The following FKBP7 variants were observed in gnomAD, a reference collection of about 807,000 sequenced individuals.
FKBP7 encodes peptidyl-prolyl cis-trans isomerase FKBP7.
FKBP7 carries 24 observed loss-of-function variants against 24.3 expected under a neutral mutation model. The observed-to-expected ratio is 0.99, with a 90% CI of 0.72 to 1.39. The LOEUF (loss-of-function observed/expected upper bound fraction) is 1.39, where lower values mean the gene tolerates loss of function less well. FKBP7 is among the 40% of genes most tolerant of loss of function. The pLI is 0.00. For synonymous variants in FKBP7, 98 were observed against 92.8 expected (o/e 1.06, Z -0.32); for missense variants, 257 against 269.5 (o/e 0.95, Z 0.33).
chr2:178,466,465 C>T (rs965137686), intron 3 of FKBP7, among the ~76,000 whole-genome samples: 1 of 152,062 alleles, frequency 6.6e-6, no homozygotes, highest in Non-Finnish European at 1.5e-5. Context: ...GAAGTATTCA[C>T]TAATTATATA....
In FKBP7 at chr2:178,464,163, T is replaced by A. The variant is rs535153008; in HGVS notation, c.*1607A>T. 1 of 152,368 alleles carries A rather than the reference T, an allele frequency of 6.6e-6. No individual in the cohort carries two copies. The highest frequency in any genetic ancestry group is 1.5e-5 in the Non-Finnish European group (1 of 68,040). 9.4% of individuals were successfully genotyped at this position (152,368 alleles called of 1,614,324 possible). ...TACTCATCTGAAAGCCCTCTATTTT[T>A]AAATAGAATTTTTGATAGTGTAAAG... On this transcript the variant is annotated 3_prime_UTR_variant, in exon 4 of 4. Transcript: ENST00000424785.
rs184444047 is a variant in FKBP7, at chr2:178,472,469, T to C, written c.374-2684A>G. Reference sequence around the variant, plus strand: ...CATAGAAAATATTGGCCGGGCGCAGTGGCTTATACCACTTTTTTTTTTTAG... The same window carrying C: ...CATAGAAAATATTGGCCGGGCGCAGCGGCTTATACCACTTTTTTTTTTTAG... On this transcript the variant is annotated intron_variant, in intron 2 of 3. Coordinates refer to ENST00000424785, the MANE Select transcript of FKBP7 (RefSeq NM_181342.3). Among the ~76,000 whole-genome samples, 217 of 152,026 alleles carry C rather than the reference T, an allele frequency of 1.4e-3. 1 individual carries two copies. The highest frequency in any genetic ancestry group is 5.0e-3 in the African/African-American group (209 of 41,514).
rs1685078665 is a variant in FKBP7 at position 178,478,471 on chromosome 2, C to G, written c.29G>C (p.Arg10Thr). 1.9e-6 allele frequency: 3 copies of G among 1,614,174 alleles called. No homozygotes were observed. The highest frequency in any genetic ancestry group is 2.5e-6 in the Non-Finnish European group (3 of 1,180,036). The change falls in exon 1 of 4, where the codon AGA (arginine) becomes ACA (threonine). Residue 10 changes from arginine to threonine, a missense_variant. Transcript: ENST00000424785. Reference sequence around the variant, plus strand: ...CCACAGATAAAAGAAAACAATGAATCTGAATAAGAAATGCATGGTTTTTGG... The same window carrying G: ...CCACAGATAAAAGAAAACAATGAATGTGAATAAGAAATGCATGGTTTTTGG... Reference protein sequence around the residue: MPKTMHFLFRFIVFFYLWGL... With the variant: MPKTMHFLFTFIVFFYLWGL...
At chr2:178,473,921 A>G (rs1363642487) in intron 2 of FKBP7, among the ~76,000 whole-genome samples, 1 of 152,188 alleles carries the variant, frequency 6.6e-6, no homozygotes, top group East Asian at 1.9e-4. Flanking sequence ...GATGGGATCA[A>G]ATTATTGGCA....
chr2:178,476,888 T>C (rs568814242), intron 2 of FKBP7, among the ~76,000 whole-genome samples, 174 bp downstream of exon 2: 41 of 152,276 alleles, frequency 2.7e-4, no homozygotes, highest in Middle Eastern at 3.4e-3. Flanking sequence ...TCTCTATGTA[T>C]GGACATGTGG....
chr2:178,465,978 A>G (rs35636148), intron 3 of FKBP7, 47 bp from the exon 4 acceptor site: 34 of 1,468,146 alleles, frequency 2.3e-5, no homozygotes, highest in Non-Finnish European at 3.0e-5. Flanking sequence ...TATCACAGTG[A>G]ATTTCCAGTA....
chr2:178,470,952 AC>A (rs1301154975), intron 2 of FKBP7, among the ~76,000 whole-genome samples: 1 of 151,976 alleles, frequency 6.6e-6, no homozygotes, highest in Non-Finnish European at 1.5e-5. Flanking sequence ...ATCTCCGCTT[AC>A]TGCAGCCTCT....
In FKBP7 at chr2:178,472,917, T is replaced by TAA. The variant is rs368700753; in HGVS notation, c.374-3134_374-3133dup. 2.3e-3 allele frequency: 551 copies of TAA among 239,756 alleles called. 11 individuals carry two copies. Among genetic ancestry groups the TAA allele is most frequent in the South Asian group, 0.019 (405 of 21,562 alleles). 14.9% of individuals were successfully genotyped at this position (239,756 alleles called of 1,614,324 possible). A position where few individuals can be genotyped will look rare whatever the true frequency, so the allele number is the denominator to read the frequency against. On this transcript the variant is annotated intron_variant, in intron 2 of 3. Coordinates refer to ENST00000424785, the MANE Select transcript of FKBP7 (RefSeq NM_181342.3). ...CTTTTTCTTGTTTTTTTTTTTTTTT[T>TAA]AAAAAAAACTAAAGTATAAAAATGA...
chr2:178,473,883 T>A (rs144774453), intron 2 of FKBP7, among the ~76,000 whole-genome samples: 1 of 152,340 alleles, frequency 6.6e-6, no homozygotes, highest in East Asian at 1.9e-4. Context: ...ACAGGATATA[T>A]GAATTATGGT....
At chr2:178,471,765 C>T (rs549897021) in intron 2 of FKBP7, among the ~76,000 whole-genome samples, 109 of 152,256 alleles carry the variant, frequency 7.2e-4, no homozygotes, top group African/African-American at 2.5e-3. Context: ...GTGAAGCATT[C>T]TAGCTAAAGT....
At chr2:178,465,966 G>A (rs1684644503) in intron 3 of FKBP7, 35 bp from the exon 4 acceptor site, 10 of 1,518,252 alleles carry the variant, frequency 6.6e-6, no homozygotes, top group Non-Finnish European at 7.9e-6. Context: ...TTAATTAAAA[G>A]GTATCACAGT....
chr2:178,477,232 CT>C lies in FKBP7; in HGVS notation c.222-20del. 6.2e-7 allele frequency: 1 copy of C among 1,601,144 alleles called. No individual in the cohort carries two copies. Among genetic ancestry groups the C allele is most frequent in the Non-Finnish European group, 8.5e-7 (1 of 1,176,890 alleles). Reference sequence around the variant, plus strand: ...TGTCCGGCTATAACAAAAAGCAATACTTAAGTAAACTGATTTCAAGAAATCA... The same window carrying C: ...TGTCCGGCTATAACAAAAAGCAATACTAAGTAAACTGATTTCAAGAAATCA... On this transcript the variant is annotated intron_variant, in intron 1 of 3. Coordinates refer to ENST00000424785, the MANE Select transcript of FKBP7 (RefSeq NM_181342.3).
intron 3 of FKBP7, among the ~76,000 whole-genome samples, chr2:178,468,200 T>C (rs1178489837): frequency 6.6e-6 from 1 of 152,220 alleles, no homozygotes; most frequent in Admixed American, 6.5e-5. Flanking sequence ...CATTTTTAAA[T>C]GTCTCCTAAC....
chr2:178,474,304 A>C (rs1396450618), intron 2 of FKBP7, among the ~76,000 whole-genome samples: 1 of 152,238 alleles, frequency 6.6e-6, no homozygotes, highest in Non-Finnish European at 1.5e-5. Flanking sequence ...ACAGCCTATC[A>C]GGCTGCCCAT....
rs868357403 is a variant in FKBP7, at chr2:178,464,935, G to C, written c.*835C>G. 6.6e-6 allele frequency: 1 copy of C among 152,182 alleles called. No individual in the cohort carries two copies. Among genetic ancestry groups the C allele is most frequent in the South Asian group, 2.1e-4 (1 of 4,828 alleles). 9.4% of individuals were successfully genotyped at this position (152,182 alleles called of 1,614,324 possible). A position where few individuals can be genotyped will look rare whatever the true frequency, so the allele number is the denominator to read the frequency against. The stretch of plus-strand genomic sequence containing the variant: ...GGAAATGAGGTGACATAAGGAAAGA[G>C]ATAACTAGAGAAAGGGAACGAAAAC... On this transcript the variant is annotated 3_prime_UTR_variant, in exon 4 of 4. Coordinates refer to ENST00000424785, the MANE Select transcript of FKBP7 (RefSeq NM_181342.3).
rs1433075267 is a variant in FKBP7 at position 178,463,880 on chromosome 2, A to G, written c.*1890T>C. The G allele has an allele frequency of 2.6e-5, 4 of 152,238 alleles. No individual in the cohort carries two copies. Among genetic ancestry groups the G allele is most frequent in the African/African-American group, 9.6e-5 (4 of 41,464 alleles). The allele number at this position is 152,238 out of a possible 1,614,324, so 9.4% of individuals were successfully genotyped here. A position where few individuals can be genotyped will look rare whatever the true frequency, so the allele number is the denominator to read the frequency against. On this transcript the variant is annotated 3_prime_UTR_variant, in exon 4 of 4. Transcript: ENST00000424785. ...AAAAAATTGAGACAGGTTCCAAACCAAAATAAAGAATATTGAGTTACTTAG... is the reference window on the plus strand; with the variant it reads ...AAAAAATTGAGACAGGTTCCAAACCGAAATAAAGAATATTGAGTTACTTAG...
chr2:178,469,307 A>T (rs1684778995), intron 3 of FKBP7, among the ~76,000 whole-genome samples: 1 of 152,190 alleles, frequency 6.6e-6, no homozygotes, highest in Non-Finnish European at 1.5e-5. Flanking sequence ...TCATCCTATG[A>T]GGCGTGAATT....
At chr2:178,475,475 C>T (rs1684973449) in intron 2 of FKBP7, among the ~76,000 whole-genome samples, 1 of 152,098 alleles carries the variant, frequency 6.6e-6, no homozygotes, top group Non-Finnish European at 1.5e-5. Context: ...AGTGATCTGC[C>T]CACTTCAGCC....
intron 3 of FKBP7, among the ~76,000 whole-genome samples, chr2:178,466,536 T>C (rs990431508): frequency 6.6e-6 from 1 of 152,104 alleles, no homozygotes; most frequent in African/African-American, 2.4e-5. Flanking sequence ...ACTAGCCACA[T>C]GTGACTAATG....
Sources: allele counts gnomAD v4.1 joint callset (sites outside exome capture counted in the v4.1 genomes callset), GRCh38; gene constraint gnomAD v4.1.1; transcripts MANE v1.5; gene names NCBI Gene and HGNC (gene_info 2026-07-23, HGNC 2026-07-21).